Variants in EXT1 observed in about 807,000 individuals in gnomAD.
EXT1 encodes the protein exostosin glycosyltransferase 1.
In EXT1, 20 loss-of-function variants were observed where a neutral mutation model predicts 82.5. The ratio of observed to expected loss-of-function variants is 0.24; its 90% CI spans 0.17 to 0.35. The LOEUF (loss-of-function observed/expected upper bound fraction) is 0.35, where lower values mean the gene tolerates loss of function less well. EXT1 is among the 10% of genes least tolerant of loss of function. The pLI is 1.00. For missense variants in EXT1, 757 were observed against 936.5 expected (o/e 0.81, Z 2.50); for synonymous variants, 348 against 350.8 (o/e 0.99, Z 0.09).
chr8:118,106,197 G>C (rs1442716371), intron 1 of EXT1, among the ~76,000 whole-genome samples: 1 of 152,150 alleles, frequency 6.6e-6, no homozygotes, highest in Non-Finnish European at 1.5e-5. Flanking sequence ...TGCAAAGGTT[G>C]TCCTCCAAGT....
At position 117,931,256 on chromosome 8, in the gene EXT1, C is replaced by T. The variant is rs568283581; in HGVS notation, c.963-94055G>A. Among the ~76,000 whole-genome samples, 18 of 152,300 alleles carry T rather than the reference C, an allele frequency of 1.2e-4. No homozygotes were observed. The South Asian group carries it at 3.1e-3, about 26-fold the overall frequency. ...CCTGAATTCTTTCTCTCACAAGATC[C>T]AAGAACTCTCACTTGGCGTCTAGAT... is the stretch of plus-strand genomic sequence containing the variant. On this transcript the variant is annotated intron_variant, in intron 1 of 10. Transcript: ENST00000378204.
intron 4 of EXT1, among the ~76,000 whole-genome samples, 200 bp downstream of exon 4, chr8:117,830,030 C>CT (rs2129771244): frequency 6.6e-6 from 1 of 152,196 alleles, no homozygotes; most frequent in South Asian, 2.1e-4. Context: ...GTAGGTTTTC[C>CT]TTTGTGGAGT....
chr8:118,029,295 G>A (rs1338932888), intron 1 of EXT1, among the ~76,000 whole-genome samples: 1 of 152,126 alleles, frequency 6.6e-6, no homozygotes, highest in Non-Finnish European at 1.5e-5. Flanking sequence ...ACATAGCGGT[G>A]TGCACCTGTA....
chr8:117,937,212 A>G (rs991791683), intron 1 of EXT1, among the ~76,000 whole-genome samples: 2 of 152,316 alleles, frequency 1.3e-5, no homozygotes, highest in East Asian at 1.9e-4. Flanking sequence ...ATTAAACAGC[A>G]TTTCTTTAAG....
rs58862041 is a variant in EXT1 at position 118,037,836 on chromosome 8, G to GTTTTTTTTTTT, written c.962+72238_962+72248dup. ...CTTTGTATCAACAAGAGTGTTTTTT[G>GTTTTTTTTTTT]TTTTTTTTTTTTTTTTTTTTTGAGA... On this transcript the variant is annotated intron_variant, in intron 1 of 10. Coordinates refer to ENST00000378204, the MANE Select transcript of EXT1 (RefSeq NM_000127.3). 2.2e-4 allele frequency among the ~76,000 whole-genome samples: 24 copies of GTTTTTTTTTTT among 107,396 alleles called. 1 individual carries two copies. The highest frequency in any genetic ancestry group is 5.6e-4 in the East Asian group (2 of 3,596). 70.5% of individuals were successfully genotyped at this position (107,396 alleles called of 152,430 possible). A position where few individuals can be genotyped will look rare whatever the true frequency, so the allele number is the denominator to read the frequency against.
intron 1 of EXT1, among the ~76,000 whole-genome samples, chr8:117,945,495 G>A (rs569764079): frequency 1.5e-4 from 23 of 151,974 alleles, no homozygotes; most frequent in Non-Finnish European, 2.6e-4. Context: ...GAAGTGCTCT[G>A]TGGTTTTTAT....
At chr8:117,835,331 T>C in intron 3 of EXT1, 113 bp downstream of exon 3, 2 of 782,542 alleles carry the variant, frequency 2.6e-6, no homozygotes, top group Non-Finnish European at 4.5e-6. Flanking sequence ...GGTAATTTTC[T>C]CCTGATAAGA....
chr8:118,073,899 T>C (rs1202702385), intron 1 of EXT1, among the ~76,000 whole-genome samples: 1 of 152,152 alleles, frequency 6.6e-6, no homozygotes. Context: ...CAACGGTCCC[T>C]TGGGACAGGC....
Position 118,111,307 on chromosome 8 carries a change from A to G in EXT1, c.-261T>C, listed in dbSNP as rs1261570729. On this transcript the variant is annotated 5_prime_UTR_variant, in exon 1 of 11. Transcript: ENST00000378204. ...GAGCGGGGCTGAATATCTCGCACCC[A>G]GGGCGGGCGAGCAGCGGACTGTAAT... is the stretch of plus-strand genomic sequence containing the variant. 1.6e-6 allele frequency: 1 copy of G among 607,044 alleles called. No individual in the cohort carries two copies. The highest frequency in any genetic ancestry group is 2.9e-6 in the Non-Finnish European group (1 of 343,350). The allele number at this position is 607,044 out of a possible 1,614,324, so 37.6% of individuals were successfully genotyped here. A position where few individuals can be genotyped will look rare whatever the true frequency, so the allele number is the denominator to read the frequency against.
At chr8:117,855,060 G>C (rs929768717) in intron 1 of EXT1, among the ~76,000 whole-genome samples, 1 of 152,158 alleles carries the variant, frequency 6.6e-6, no homozygotes, top group South Asian at 2.1e-4. Context: ...AAAATGGCTT[G>C]TTTATAGGTT....
intron 1 of EXT1, among the ~76,000 whole-genome samples, chr8:117,935,101 G>T (rs1398518001): frequency 4.6e-5 from 7 of 152,096 alleles, no homozygotes; most frequent in African/African-American, 1.4e-4. Flanking sequence ...CTAAAATGAG[G>T]ACATATACAT....
chr8:117,864,449 A>G (rs1366957292), intron 1 of EXT1, among the ~76,000 whole-genome samples: 3 of 152,192 alleles, frequency 2.0e-5, no homozygotes, highest in Non-Finnish European at 4.4e-5. Flanking sequence ...ATAGCTGATG[A>G]GCTTTAAAAA....
intron 1 of EXT1, among the ~76,000 whole-genome samples, chr8:117,956,500 T>C (rs1448062875): frequency 6.6e-6 from 1 of 151,922 alleles, no homozygotes; most frequent in Non-Finnish European, 1.5e-5. Context: ...CAGGCTGGAG[T>C]GGTATGATCT....
chr8:118,083,002 G>A (rs573685096), intron 1 of EXT1, among the ~76,000 whole-genome samples: 10 of 152,216 alleles, frequency 6.6e-5, no homozygotes, highest in East Asian at 5.8e-4. Context: ...ACCAGGATAC[G>A]CCCTGGAGTA....
chr8:118,097,632 T>C (rs1252978093), intron 1 of EXT1, among the ~76,000 whole-genome samples: 1 of 152,092 alleles, frequency 6.6e-6, no homozygotes, highest in East Asian at 1.9e-4. Flanking sequence ...CACCTTCTAA[T>C]ATATGACAAA....
chr8:118,029,307 T>A (rs2129874637), intron 1 of EXT1, among the ~76,000 whole-genome samples: 1 of 152,248 alleles, frequency 6.6e-6, no homozygotes, highest in East Asian at 1.9e-4. Flanking sequence ...GCACCTGTAG[T>A]CCTAGCTAAT....
chr8:117,896,997 T>A (rs551762989), intron 1 of EXT1, among the ~76,000 whole-genome samples: 2 of 152,266 alleles, frequency 1.3e-5, no homozygotes, highest in Admixed American at 1.3e-4. Context: ...GCTTCCTCCC[T>A]GCTCTAAGAA....
At chr8:117,893,953 C>G (rs902553447) in intron 1 of EXT1, among the ~76,000 whole-genome samples, 3 of 152,202 alleles carry the variant, frequency 2.0e-5, no homozygotes, top group African/African-American at 7.2e-5. Flanking sequence ...TCTGATCACC[C>G]TGGCCTGCCT....
At chr8:117,804,929 T>C (rs756699559) in intron 9 of EXT1, 36 bp from the exon 10 acceptor site, 2 of 1,608,056 alleles carry the variant, frequency 1.2e-6, no homozygotes, top group Non-Finnish European at 1.7e-6. Flanking sequence ...CAGGGGGCCA[T>C]TATCACATGA....
Sources: allele counts gnomAD v4.1 joint callset (sites outside exome capture counted in the v4.1 genomes callset), GRCh38; gene constraint gnomAD v4.1.1; transcripts MANE v1.5; gene names NCBI Gene and HGNC (gene_info 2026-07-23, HGNC 2026-07-21).